The following FMR1NB variants were observed in gnomAD, a reference collection of about 807,000 sequenced individuals.
The protein encoded by FMR1NB is FMR1 neighbor protein.
Under a neutral mutation model 16.8 loss-of-function variants are expected in FMR1NB, and 10 were observed. The observed-to-expected ratio is 0.60, with a 90% CI of 0.37 to 1.01. The LOEUF (loss-of-function observed/expected upper bound fraction) is 1.01, where lower values mean the gene tolerates loss of function less well. FMR1NB is among the 50% of genes least tolerant of loss of function. FMR1NB has a pLI of 0.01. For synonymous variants in FMR1NB, 83 were observed against 79.1 expected, an observed-to-expected ratio of 1.05 and a Z score of -0.26; for missense variants, 205 against 204.8, an observed-to-expected ratio of 1.00 and a Z score of 0.00.
intron 3 of FMR1NB, among the ~76,000 whole-genome samples, chrX:148,008,397 A>G (rs1179985972): frequency 8.9e-6 from 1 of 112,171 alleles, no homozygotes; most frequent in Non-Finnish European, 1.9e-5. Flanking sequence ...AGGCTTCATT[A>G]AGGGGTACAT....
chrX:148,014,957 G>C (rs1162924376), intron 4 of FMR1NB, among the ~76,000 whole-genome samples: 1 of 111,726 alleles, frequency 9.0e-6, no homozygotes, highest in African/African-American at 3.3e-5. Context: ...TGGGTCCTGG[G>C]CTTTTCTTTT....
At chrX:148,002,820 A>G (rs1364564841) in intron 1 of FMR1NB, among the ~76,000 whole-genome samples, 3 of 112,239 alleles carry the variant, frequency 2.7e-5, no homozygotes, top group African/African-American at 9.7e-5. Context: ...TTTTGTCAAT[A>G]TATATGTAAG....
intron 1 of FMR1NB, among the ~76,000 whole-genome samples, chrX:147,990,053 A>C: frequency 9.1e-6 from 1 of 109,673 alleles, no homozygotes. Flanking sequence ...AAAAAAAAAA[A>C]AACAAAAGCT....
chrX:147,982,630 A>G (rs2044455746), intron 1 of FMR1NB, among the ~76,000 whole-genome samples: 1 of 103,665 alleles, frequency 9.6e-6, no homozygotes, highest in Non-Finnish European at 2.0e-5. Context: ...GCGGTGGGTC[A>G]TGCCTGTAAT....
intron 1 of FMR1NB, among the ~76,000 whole-genome samples, chrX:147,985,089 G>A (rs112923595): frequency 9.0e-6 from 1 of 111,322 alleles, no homozygotes; most frequent in African/African-American, 3.3e-5. Flanking sequence ...TTTTGTAGGA[G>A]AATTTTCTAT....
intron 1 of FMR1NB, among the ~76,000 whole-genome samples, chrX:147,994,116 C>T (rs1269824535): frequency 1.8e-5 from 2 of 111,597 alleles, no homozygotes; most frequent in African/African-American, 6.5e-5. Flanking sequence ...AGTCTCCTGC[C>T]TTTGAGCTCC....
At chrX:148,018,405 A>G (rs1378432363) in intron 4 of FMR1NB, among the ~76,000 whole-genome samples, 1 of 111,849 alleles carries the variant, frequency 8.9e-6, no homozygotes, top group Non-Finnish European at 1.9e-5. Flanking sequence ...GAGGCATCAC[A>G]CTACCTGACT....
At chrX:148,019,377 A>G (rs1479556977) in intron 4 of FMR1NB, among the ~76,000 whole-genome samples, 2 of 112,288 alleles carry the variant, frequency 1.8e-5, no homozygotes, top group Non-Finnish European at 3.8e-5. Context: ...GAAAGATAAT[A>G]TGTCTTTGTT....
chrX:148,002,021 T>A (rs1366556616), intron 1 of FMR1NB, among the ~76,000 whole-genome samples: 1 of 111,169 alleles, frequency 9.0e-6, no homozygotes, highest in Non-Finnish European at 1.9e-5. Flanking sequence ...ATTTAAAAAG[T>A]ACAACCATGA....
At chrX:148,007,293 T>C (rs958654410) in intron 3 of FMR1NB, among the ~76,000 whole-genome samples, 2 of 111,752 alleles carry the variant, frequency 1.8e-5, no homozygotes, top group Admixed American at 9.5e-5. Flanking sequence ...TTTTCTTTAT[T>C]GGGTATTTTT....
chrX:148,025,066 G>A, intron 5 of FMR1NB, 53 bp downstream of exon 5: 6 of 1,129,243 alleles, frequency 5.3e-6, no homozygotes, highest in Non-Finnish European at 7.1e-6. Context: ...ATTCTTGTTA[G>A]CTTTATATTT....
At position 148,024,846 on chromosome X, in the gene FMR1NB, T is replaced by G. The variant is rs782091854; in HGVS notation, c.633-19T>G. ...CACTAATGAGAAATAAGGTTTCACTTGAACTTTTTATGTTACAGCGAACCG... is the reference window on the plus strand; with the variant it reads ...CACTAATGAGAAATAAGGTTTCACTGGAACTTTTTATGTTACAGCGAACCG... On this transcript the variant is annotated intron_variant, in intron 4 of 5. Transcript: ENST00000370467. 1.7e-6 allele frequency: 2 copies of G among 1,204,279 alleles called. No individual in the cohort carries two copies. The highest frequency in any genetic ancestry group is 2.2e-6 in the Non-Finnish European group (2 of 891,879).
At chrX:148,004,715 C>A (rs2044587348) in intron 2 of FMR1NB, among the ~76,000 whole-genome samples, 1 of 112,249 alleles carries the variant, frequency 8.9e-6, no homozygotes. Flanking sequence ...AAATATTTAT[C>A]TCTTGCAGAT....
intron 1 of FMR1NB, among the ~76,000 whole-genome samples, chrX:147,982,588 CAAAAAAA>C (rs79206034): frequency 3.5e-5 from 1 of 28,466 alleles, no homozygotes; most frequent in South Asian, 2.9e-3. Context: ...GACTCCGTCT[CAAAAAAA>C]AAAAAAAAAA....
At chrX:148,024,025 C>T (rs988864918) in intron 4 of FMR1NB, among the ~76,000 whole-genome samples, 2 of 111,490 alleles carry the variant, frequency 1.8e-5, no homozygotes, top group African/African-American at 3.3e-5. Context: ...CTCATCAAGT[C>T]GTTAATGAAG....
intron 1 of FMR1NB, among the ~76,000 whole-genome samples, chrX:147,985,925 A>C (rs1390010193): frequency 9.0e-6 from 1 of 111,565 alleles, no homozygotes; most frequent in Non-Finnish European, 1.9e-5. Context: ...ACTAATTAAC[A>C]CTCCCACCAA....
rs1237002679 is a variant in FMR1NB, at chrX:148,006,930, C to G, written c.538+88C>G. ...ATAAGTTCATATTTGGATTTCCTAG[C>G]TTAATACTTAAATGGGACTCCCAGT... is the stretch of plus-strand genomic sequence containing the variant. On this transcript the variant is annotated intron_variant, in intron 3 of 5. Coordinates refer to ENST00000370467, the MANE Select transcript of FMR1NB (RefSeq NM_152578.3). 14 of 971,340 alleles carry G rather than the reference C, an allele frequency of 1.4e-5. No individual in the cohort carries two copies. The Admixed American group carries it at 3.9e-4, about 27-fold the overall frequency. 80.0% of individuals were successfully genotyped at this position (971,340 alleles called of 1,213,427 possible). A position where few individuals can be genotyped will look rare whatever the true frequency, so the allele number is the denominator to read the frequency against.
At chrX:147,998,793 T>C in intron 1 of FMR1NB, among the ~76,000 whole-genome samples, 1 of 112,445 alleles carries the variant, frequency 8.9e-6, no homozygotes, top group East Asian at 2.8e-4. Context: ...AGTGATAGAC[T>C]ACACTTTGAG....
At chrX:148,009,408 A>G (rs1557189433) in intron 4 of FMR1NB, among the ~76,000 whole-genome samples, 1 of 110,525 alleles carries the variant, frequency 9.0e-6, no homozygotes, top group Non-Finnish European at 1.9e-5. Flanking sequence ...ATCATCTACT[A>G]TTGGGTCATA....
Sources: gnomAD v4.1 joint callset for allele counts (sites outside exome capture counted in the v4.1 genomes callset) on GRCh38, gnomAD v4.1.1 for gene constraint, MANE v1.5 for transcripts, NCBI Gene and HGNC (gene_info 2026-07-23, HGNC 2026-07-21) for gene names.